Variants in SDK1 observed in about 807,000 individuals in gnomAD.
SDK1 encodes the protein protein sidekick-1.
Under a neutral mutation model 245.5 loss-of-function variants are expected in SDK1, and 157 were observed. The observed-to-expected ratio is 0.64, with a 90% confidence interval of 0.56 to 0.73. The LOEUF (loss-of-function observed/expected upper bound fraction) is 0.73, where lower values mean the gene tolerates loss of function less well. SDK1 is among the 30% of genes least tolerant of loss of function. The pLI is 0.00. For synonymous variants in SDK1, 1,647 were observed against 1,278.5 expected, an observed-to-expected ratio of 1.29 and a Z score of -6.15; for missense variants, 3,583 against 3,002.3, an observed-to-expected ratio of 1.19 and a Z score of -4.52.
chr7:3,708,772 A>G (rs900198566), intron 4 of SDK1, among the ~76,000 whole-genome samples: 3 of 152,286 alleles, frequency 2.0e-5, no homozygotes, highest in African/African-American at 7.2e-5. Context: ...GCAGGGGCAC[A>G]TATCCAAACT....
chr7:4,157,478 G>GAAGGAAGGAGAGAAGGAAGGAAGGAAGGA (rs376827178), intron 30 of SDK1, among the ~76,000 whole-genome samples: 11 of 136,130 alleles, frequency 8.1e-5, no homozygotes, highest in African/African-American at 2.0e-4. Context: ...AGGAAGGAGG[G>GAAGGAAGGAGAGAAGGAAGGAAGGAAGGA]AAGGAAGGGA....
intron 1 of SDK1, among the ~76,000 whole-genome samples, chr7:3,429,014 A>G (rs1026198589): frequency 5.3e-5 from 8 of 152,210 alleles, no homozygotes; most frequent in Non-Finnish European, 1.2e-4. Flanking sequence ...TCTCTTAGGA[A>G]TAAGTTAAAT....
chr7:3,504,182 A>ATATGTGTGTGTGTG (rs375661314), intron 1 of SDK1, among the ~76,000 whole-genome samples: 137 of 131,936 alleles, frequency 1.0e-3, no homozygotes, highest in African/African-American at 3.7e-3. Flanking sequence ...ATATATATAT[A>ATATGTGTGTGTGTG]TGTGTGTGTG....
intron 1 of SDK1, among the ~76,000 whole-genome samples, chr7:3,398,405 G>A (rs564235521): frequency 2.0e-5 from 3 of 152,108 alleles, no homozygotes; most frequent in African/African-American, 7.2e-5. Flanking sequence ...ACCTTCAGAA[G>A]AGTTTCTTAG....
chr7:4,076,088 A>G (rs1780660431), intron 20 of SDK1, among the ~76,000 whole-genome samples: 1 of 152,236 alleles, frequency 6.6e-6, no homozygotes, highest in African/African-American at 2.4e-5. Flanking sequence ...AAAAGGGGAG[A>G]GAGAGCTAGA....
At chr7:3,818,612 A>G (rs569600586) in intron 4 of SDK1, among the ~76,000 whole-genome samples, 2 of 152,162 alleles carry the variant, frequency 1.3e-5, no homozygotes, top group African/African-American at 4.8e-5. Context: ...GTGAATCTGT[A>G]TTGGAGTGTT....
chr7:3,642,642 G>A (rs180773991), intron 4 of SDK1, among the ~76,000 whole-genome samples: 1 of 152,110 alleles, frequency 6.6e-6, no homozygotes, highest in Non-Finnish European at 1.5e-5. Flanking sequence ...CAGAATAGTT[G>A]CTTTGTGATT....
chr7:3,805,600 C>T (rs1031310568), intron 4 of SDK1, among the ~76,000 whole-genome samples: 1 of 152,180 alleles, frequency 6.6e-6, no homozygotes, highest in African/African-American at 2.4e-5. Context: ...CCAGTGGAGA[C>T]TGTAGACTGT....
At chr7:4,205,075 C>A (rs1372803621) in intron 35 of SDK1, among the ~76,000 whole-genome samples, 2 of 152,172 alleles carry the variant, frequency 1.3e-5, no homozygotes, top group Non-Finnish European at 2.9e-5. Context: ...GCCCTGCAGA[C>A]GCAGACAGCA....
At chr7:4,207,738 C>T (rs76902381) in intron 36 of SDK1, among the ~76,000 whole-genome samples, 1,654 of 152,212 alleles carry the variant, frequency 0.011, 31 homozygotes, top group African/African-American at 0.038. Context: ...AAAACACCAA[C>T]AGAGCTAGGT....
chr7:3,908,612 G>T (rs61540848), intron 5 of SDK1, among the ~76,000 whole-genome samples: 5,766 of 152,044 alleles, frequency 0.038, 380 homozygotes, highest in African/African-American at 0.13. Flanking sequence ...TAAATATTCC[G>T]CAAGTACTCA....
chr7:3,584,873 G>C (rs892816107), intron 1 of SDK1, among the ~76,000 whole-genome samples: 31 of 152,006 alleles, frequency 2.0e-4, no homozygotes, highest in African/African-American at 7.5e-4. Context: ...ACAGGTGCCT[G>C]CCATCACACC....
chr7:3,694,244 G>C (rs1000864480), intron 4 of SDK1, among the ~76,000 whole-genome samples: 1 of 152,152 alleles, frequency 6.6e-6, no homozygotes, highest in African/African-American at 2.4e-5. Context: ...AAAGCTCTTT[G>C]AGATGTGAGA....
chr7:3,954,676 C>A (rs1315553530), intron 7 of SDK1, among the ~76,000 whole-genome samples: 1 of 147,560 alleles, frequency 6.8e-6, no homozygotes. Context: ...CCCTTCTACA[C>A]CCTCTACACT....
intron 1 of SDK1, among the ~76,000 whole-genome samples, chr7:3,458,713 A>G (rs1780745008): frequency 6.6e-6 from 1 of 152,098 alleles, no homozygotes; most frequent in African/African-American, 2.4e-5. Flanking sequence ...ATTATAATTA[A>G]CATAATCATC....
At chr7:3,389,186 T>G (rs138774425) in intron 1 of SDK1, among the ~76,000 whole-genome samples, 9 of 152,272 alleles carry the variant, frequency 5.9e-5, no homozygotes, top group African/African-American at 1.9e-4. Flanking sequence ...GTTACCCCAA[T>G]GATGTCCAGG....
intron 40 of SDK1, 141 bp downstream of exon 40, chr7:4,221,505 G>A (rs1279268544): frequency 9.4e-7 from 1 of 1,059,048 alleles, no homozygotes; most frequent in African/African-American, 1.6e-5. Context: ...TTTGGTGAAA[G>A]AAGACATCCA....
rs1400752827 is a variant in SDK1 at position 4,110,701 on chromosome 7, C to G, written c.3363C>G (p.Leu1121=). The G allele has an allele frequency of 6.2e-7, 1 of 1,613,980 alleles. No individual in the cohort carries two copies. Among genetic ancestry groups the G allele is most frequent in the Admixed American group, 1.7e-5 (1 of 60,024 alleles). The change falls in exon 23 of 45, where the codon CTC becomes CTG. Residue 1121 remains leucine, a synonymous_variant. Transcript: ENST00000404826. ...AIGDEEEWVT[L]YEEENEPDAQ... ...GCGACGAGGAGGAGTGGGTCACCCT[C>G]TATGAAGAGGAGAATGAGCCTGATG...
rs536286104 is a variant in SDK1, at chr7:3,428,517, A to G, written c.298+126633A>G. Among the ~76,000 whole-genome samples, 8 of 152,332 alleles carry G rather than the reference A, an allele frequency of 5.3e-5. No homozygotes were observed. In the East Asian group the frequency reaches 7.7e-4, roughly 15 times the overall value. ...GATATTTATGTTATAAGGAGGCACA[A>G]TCTGTCTCTTAATGCTTCTGTCAAA... On this transcript the variant is annotated intron_variant, in intron 1 of 44. Transcript: ENST00000404826.
Sources: gnomAD v4.1 joint callset for allele counts (sites outside exome capture counted in the v4.1 genomes callset) on GRCh38, gnomAD v4.1.1 for gene constraint, MANE v1.5 for transcripts, NCBI Gene and HGNC (gene_info 2026-07-23, HGNC 2026-07-21) for gene names.